Variants in FRMD3 observed in about 807,000 individuals in gnomAD.
The protein encoded by FRMD3 is FERM domain-containing protein 3.
Under a neutral mutation model 70.2 loss-of-function variants are expected in FRMD3, and 33 were observed. That is an observed-to-expected ratio of 0.47 (90% CI 0.36 to 0.63). FRMD3 has a LOEUF of 0.63. Among genes scored for constraint, FRMD3 ranks in the 20% least tolerant of loss-of-function variants. The pLI is 0.00. For missense variants in FRMD3, 632 were observed against 711.4 expected (o/e 0.89, Z 1.27); for synonymous variants, 279 against 255.9 (o/e 1.09, Z -0.86).
chr9:83,584,035 T>G, the FRMD3 span, among the ~76,000 whole-genome samples: 1 of 152,160 alleles, frequency 6.6e-6, no homozygotes, highest in African/African-American at 2.4e-5. Flanking sequence ...CCACAGGCTC[T>G]GTTTAAAATA....
chr9:83,471,244 A>G (rs1828260974), intron 1 of FRMD3, among the ~76,000 whole-genome samples: 1 of 152,244 alleles, frequency 6.6e-6, no homozygotes, highest in Non-Finnish European at 1.5e-5. Flanking sequence ...ACAAATACTG[A>G]AAAGATGAAG....
intron 2 of FRMD3, among the ~76,000 whole-genome samples, chr9:83,386,541 A>T (rs3849866): frequency 0.32 from 48,670 of 152,134 alleles, 7,958 homozygotes; most frequent in African/African-American, 0.38. Flanking sequence ...AATTTTAGAC[A>T]TATGAAAAAA....
chr9:83,266,991 A>T, intron 13 of FRMD3: 1 of 1,548,358 alleles, frequency 6.5e-7, no homozygotes, highest in East Asian at 2.4e-5. Context: ...ACAGGATGAC[A>T]GCCCAGGGCA....
chr9:83,406,350 AG>A (rs1419025081), intron 1 of FRMD3, among the ~76,000 whole-genome samples: 1 of 152,234 alleles, frequency 6.6e-6, no homozygotes, highest in Non-Finnish European at 1.5e-5. Context: ...ACTAGAGCCA[AG>A]GAATTCCTCA....
At chr9:83,541,512 G>T (rs1259910759), upstream of FRMD3, among the ~76,000 whole-genome samples, 1 of 152,192 alleles carries the variant, frequency 6.6e-6, no homozygotes, top group Non-Finnish European at 1.5e-5. Flanking sequence ...CCCTGAGGGG[G>T]CATCCACCAA....
chr9:83,436,184 G>T (rs1373366131), intron 1 of FRMD3, among the ~76,000 whole-genome samples: 2 of 152,090 alleles, frequency 1.3e-5, no homozygotes, highest in African/African-American at 2.4e-5. Context: ...CTTGGACTCT[G>T]ACTTTGCAGC....
At chr9:83,425,619 C>G (rs754950497) in intron 1 of FRMD3, among the ~76,000 whole-genome samples, 18 of 151,948 alleles carry the variant, frequency 1.2e-4, no homozygotes, top group Non-Finnish European at 2.2e-4. Flanking sequence ...AAAGACCTTC[C>G]TATGGGCCGG....
intron 12 of FRMD3, chr9:83,297,418 A>G (rs565652034): frequency 4.7e-4 from 91 of 194,046 alleles, no homozygotes; most frequent in Non-Finnish European, 7.3e-4. Context: ...TCTGCCATCA[A>G]AAAAAGTCAG....
chr9:83,491,220 G>A (rs189488225), intron 1 of FRMD3, among the ~76,000 whole-genome samples: 1 of 152,124 alleles, frequency 6.6e-6, no homozygotes, highest in Non-Finnish European at 1.5e-5. Flanking sequence ...ATCAGAACTT[G>A]AGATAAAAGG....
chr9:83,299,268 A>G, intron 10 of FRMD3, 82 bp from the exon 11 acceptor site: 2 of 780,468 alleles, frequency 2.6e-6, no homozygotes, highest in Non-Finnish European at 4.3e-6. Context: ...GTGATGGGGT[A>G]TTTTTACTGC....
intron 13 of FRMD3, among the ~76,000 whole-genome samples, chr9:83,273,815 G>T (rs1455731368): frequency 2.0e-5 from 3 of 152,002 alleles, no homozygotes; most frequent in Non-Finnish European, 4.4e-5. Context: ...GTCACTTGGT[G>T]TTTTCTTTTC....
intron 6 of FRMD3, among the ~76,000 whole-genome samples, chr9:83,316,612 T>A (rs1222682602): frequency 6.6e-6 from 1 of 152,238 alleles, no homozygotes; most frequent in African/African-American, 2.4e-5. Context: ...GTGATATATG[T>A]ATATAGAGAA....
intron 3 of FRMD3, among the ~76,000 whole-genome samples, chr9:83,362,362 C>T (rs565105702): frequency 4.6e-5 from 7 of 152,334 alleles, no homozygotes; most frequent in African/African-American, 1.7e-4. Context: ...GAATTCCACA[C>T]CATCCCAGGT....
At chr9:83,443,856 CATT>C (rs1827380196) in intron 1 of FRMD3, among the ~76,000 whole-genome samples, 2 of 152,120 alleles carry the variant, frequency 1.3e-5, no homozygotes, top group African/African-American at 4.8e-5. Flanking sequence ...GATGGCATCT[CATT>C]GTGGTGAGAG....
intron 13 of FRMD3, among the ~76,000 whole-genome samples, chr9:83,252,889 C>T (rs1411753396): frequency 1.3e-5 from 2 of 151,876 alleles, no homozygotes; most frequent in East Asian, 1.9e-4. Context: ...CCTACAAAAG[C>T]AAGTGCTTAG....
At chr9:83,492,157 G>A (rs148532647) in intron 1 of FRMD3, among the ~76,000 whole-genome samples, 82 of 152,250 alleles carry the variant, frequency 5.4e-4, no homozygotes, top group African/African-American at 1.9e-3. Flanking sequence ...GGACACTTCA[G>A]CCCTACATTC....
At position 83,284,067 on chromosome 9, in the gene FRMD3, T is replaced by A. The variant is rs77526593; in HGVS notation, c.1195+6536A>T. On this transcript the variant is annotated intron_variant, in intron 13 of 13. Transcript: ENST00000304195. The stretch of plus-strand genomic sequence containing the variant: ...GGGGGCAAGCTAGGATGTTATTTTT[T>A]TTTTTTTTTTTTTTTTTGCTCATTT... 4.6e-4 allele frequency among the ~76,000 whole-genome samples: 57 copies of A among 123,450 alleles called. No homozygotes were observed. The East Asian group carries it at 5.5e-3, about 12-fold the overall frequency. The allele number at this position is 123,450 out of a possible 152,430, so 81.0% of individuals were successfully genotyped here.
At chr9:83,248,948 T>C (rs966613869) in intron 13 of FRMD3, among the ~76,000 whole-genome samples, 5 of 152,234 alleles carry the variant, frequency 3.3e-5, no homozygotes, top group Non-Finnish European at 7.3e-5. Context: ...GATGTATTGC[T>C]TTCTAGTCTT....
the FRMD3 span, among the ~76,000 whole-genome samples, chr9:83,571,695 C>A: frequency 6.6e-6 from 1 of 152,218 alleles, no homozygotes; most frequent in Non-Finnish European, 1.5e-5. Context: ...CCCAGTACCA[C>A]AGAGTTCATT....
Sources: allele counts gnomAD v4.1 joint callset (sites outside exome capture counted in the v4.1 genomes callset), GRCh38; gene constraint gnomAD v4.1.1; transcripts MANE v1.5; gene names NCBI Gene and HGNC (gene_info 2026-07-23, HGNC 2026-07-21).